The following LRP1B variants were observed in gnomAD, a reference collection of about 807,000 sequenced individuals.
LRP1B encodes the protein LDL receptor related protein 1B, also known as low-density lipoprotein receptor-related protein 1B.
A neutral mutation model predicts 556.6 loss-of-function variants in LRP1B; 217 were observed. That is an observed-to-expected ratio of 0.39 (90% CI 0.35 to 0.44). The LOEUF (loss-of-function observed/expected upper bound fraction) is 0.44, where lower values mean the gene tolerates loss of function less well. Among genes scored for constraint, LRP1B ranks in the 20% least tolerant of loss-of-function variants. The pLI, the probability that LRP1B is intolerant of heterozygous loss-of-function variation, is 1.00. For missense variants in LRP1B, 5,053 were observed against 5,620.8 expected (o/e 0.90, Z 3.23); for synonymous variants, 2,047 against 1,865.8 (o/e 1.10, Z -2.50).
intron 20 of LRP1B, among the ~76,000 whole-genome samples, chr2:140,932,828 A>G (rs1383501273): frequency 2.8e-5 from 4 of 143,534 alleles, no homozygotes; most frequent in African/African-American, 1.0e-4. Context: ...GTGAGCTGTG[A>G]TTGTGCCAGT....
At chr2:141,556,712 G>T (rs776162341) in intron 2 of LRP1B, among the ~76,000 whole-genome samples, 3 of 151,814 alleles carry the variant, frequency 2.0e-5, no homozygotes, top group Non-Finnish European at 4.4e-5. Context: ...GTAAAAGTAG[G>T]ATCAGTTTTC....
chr2:142,108,924 G>C (rs79044764), intron 1 of LRP1B, among the ~76,000 whole-genome samples: 2,871 of 152,198 alleles, frequency 0.019, 80 homozygotes, highest in African/African-American at 0.066. Context: ...AATTTGCTCT[G>C]TAGAATTTAT....
intron 7 of LRP1B, among the ~76,000 whole-genome samples, chr2:141,065,050 G>C (rs1171254962): frequency 6.6e-6 from 1 of 151,742 alleles, no homozygotes; most frequent in Non-Finnish European, 1.5e-5. Context: ...CTTAGTCTTT[G>C]CCGGAGCCAT....
intron 1 of LRP1B, among the ~76,000 whole-genome samples, chr2:141,967,101 CCT>C (rs1428006331): frequency 6.6e-6 from 1 of 151,834 alleles, no homozygotes; most frequent in South Asian, 2.1e-4. Flanking sequence ...GAATTGGTGC[CCT>C]GTTGTTCCAC....
At chr2:140,770,324 A>C (rs2104937431) in intron 34 of LRP1B, among the ~76,000 whole-genome samples, 1 of 152,078 alleles carries the variant, frequency 6.6e-6, no homozygotes, top group East Asian at 1.9e-4. Flanking sequence ...GAACATTTTT[A>C]ACGATAAAAA....
intron 15 of LRP1B, among the ~76,000 whole-genome samples, chr2:140,999,004 A>C (rs1697333618): frequency 6.6e-6 from 1 of 152,102 alleles, no homozygotes; most frequent in Non-Finnish European, 1.5e-5. Flanking sequence ...TTTCCTATGC[A>C]CTACTCTACT....
intron 3 of LRP1B, among the ~76,000 whole-genome samples, chr2:141,314,795 G>C (rs1188035265): frequency 1.9e-5 from 1 of 52,254 alleles, no homozygotes; most frequent in Non-Finnish European, 4.4e-5. Context: ...CGTCTCAAAA[G>C]AAAAAAAAAA....
At chr2:141,542,129 C>A (rs748716201) in intron 2 of LRP1B, among the ~76,000 whole-genome samples, 13 of 152,028 alleles carry the variant, frequency 8.6e-5, no homozygotes, top group Non-Finnish European at 1.5e-4. Flanking sequence ...TGATTTATGA[C>A]TAGGTGAACC....
At chr2:141,412,156 CA>C (rs1690876347) in intron 3 of LRP1B, among the ~76,000 whole-genome samples, 1 of 152,130 alleles carries the variant, frequency 6.6e-6, no homozygotes, top group African/African-American at 2.4e-5. Flanking sequence ...CTTTGGCTAA[CA>C]GAGTTAAATA....
chr2:141,773,785 C>T (rs774715038), intron 2 of LRP1B, among the ~76,000 whole-genome samples: 7 of 152,166 alleles, frequency 4.6e-5, no homozygotes, highest in Non-Finnish European at 8.8e-5. Context: ...AAGGTTTTTG[C>T]CAAGTACTTG....
At chr2:140,243,388 C>A (rs1187951795) in intron 87 of LRP1B, among the ~76,000 whole-genome samples, 1 of 150,716 alleles carries the variant, frequency 6.6e-6, no homozygotes, top group East Asian at 2.0e-4. Context: ...AGAAGAGAAA[C>A]CAGAAGTGTT....
At chr2:141,704,240 A>G (rs925455682) in intron 2 of LRP1B, among the ~76,000 whole-genome samples, 3 of 151,946 alleles carry the variant, frequency 2.0e-5, no homozygotes, top group African/African-American at 7.2e-5. Flanking sequence ...ATTTTATTCC[A>G]TTGCACTTCT....
intron 7 of LRP1B, among the ~76,000 whole-genome samples, chr2:141,135,560 A>G (rs1173454440): frequency 2.6e-5 from 4 of 151,972 alleles, no homozygotes; most frequent in Non-Finnish European, 5.9e-5. Context: ...AATAAACTGA[A>G]CTTCCATTTG....
At chr2:140,904,569 T>C (rs1353636278) in intron 22 of LRP1B, among the ~76,000 whole-genome samples, 1 of 152,136 alleles carries the variant, frequency 6.6e-6, no homozygotes, top group African/African-American at 2.4e-5. Flanking sequence ...GGGTCAACTC[T>C]TCTTCATATA....
chr2:140,962,706 G>A (rs566475909), intron 18 of LRP1B, among the ~76,000 whole-genome samples: 1 of 152,150 alleles, frequency 6.6e-6, no homozygotes, highest in Non-Finnish European at 1.5e-5. Context: ...ATTCAAATAT[G>A]GACATCTTCT....
At position 140,759,180 on chromosome 2, in the gene LRP1B, TA is replaced by T. The variant is rs550068155; in HGVS notation, c.5758+10032del. On this transcript the variant is annotated intron_variant, in intron 35 of 90. Coordinates refer to ENST00000389484, the MANE Select transcript of LRP1B (RefSeq NM_018557.3). ...TTGACTGAGAAAATAGATTTTTTTT[TA>T]AAAAATAGCCTATAGGTTGTTATTG... Among the ~76,000 whole-genome samples the T allele has an allele frequency of 3.9e-3, 592 of 151,618 alleles. 4 individuals are homozygous for T. Among genetic ancestry groups the T allele is most frequent in the African/African-American group, 0.012 (506 of 41,352 alleles).
intron 32 of LRP1B, among the ~76,000 whole-genome samples, chr2:140,792,327 G>A (rs185420419): frequency 2.0e-5 from 3 of 152,052 alleles, no homozygotes; most frequent in African/African-American, 2.4e-5. Flanking sequence ...ACCTAAGAGG[G>A]TAGAGGAAAA....
intron 2 of LRP1B, among the ~76,000 whole-genome samples, chr2:141,664,402 G>A (rs1162154095): frequency 6.6e-6 from 1 of 152,144 alleles, no homozygotes; most frequent in African/African-American, 2.4e-5. Context: ...CAAATAGGAA[G>A]AGAGGAATTC....
chr2:141,253,695 A>G (rs1684353258), intron 4 of LRP1B, among the ~76,000 whole-genome samples: 1 of 152,148 alleles, frequency 6.6e-6, no homozygotes, highest in Non-Finnish European at 1.5e-5. Context: ...GATTTGAAGT[A>G]ATCAGCAAAG....
Sources: gnomAD v4.1 joint callset for allele counts (sites outside exome capture counted in the v4.1 genomes callset) on GRCh38, gnomAD v4.1.1 for gene constraint, MANE v1.5 for transcripts, NCBI Gene and HGNC (gene_info 2026-07-23, HGNC 2026-07-21) for gene names.